POU6F2: variants seen among roughly 807,000 people sequenced by gnomAD.
The protein encoded by POU6F2 is POU domain, class 6, transcription factor 2.
POU6F2 carries 31 observed loss-of-function variants against 71.3 expected under a neutral mutation model. The observed-to-expected ratio is 0.43, with a 90% CI of 0.33 to 0.59. The LOEUF is 0.59. Ranked by LOEUF, POU6F2 falls within the 20% of genes least tolerant of loss-of-function variation. The pLI, the probability that POU6F2 is intolerant of heterozygous loss-of-function variation, is 0.04. For missense variants in POU6F2, 783 were observed against 856.8 expected (o/e 0.91, Z 1.07); for synonymous variants, 347 against 355.7 (o/e 0.98, Z 0.27).
intron 7 of POU6F2, among the ~76,000 whole-genome samples, chr7:39,440,723 T>C (rs1788381523): frequency 6.6e-6 from 1 of 152,198 alleles, no homozygotes; most frequent in African/African-American, 2.4e-5. Flanking sequence ...TGTGCCCTTG[T>C]TGGAGAGATG....
At chr7:39,087,506 A>G (rs1027943726) in intron 2 of POU6F2, among the ~76,000 whole-genome samples, 2 of 152,160 alleles carry the variant, frequency 1.3e-5, no homozygotes, top group African/African-American at 4.8e-5. Context: ...AATATTTTTT[A>G]TAGTGTAAGT....
chr7:39,373,804 A>G, intron 5 of POU6F2: 1 of 244,848 alleles, frequency 4.1e-6, no homozygotes, highest in Non-Finnish European at 8.3e-6. Flanking sequence ...TGTGTCCTCT[A>G]TAATGCCCAT....
intron 5 of POU6F2, among the ~76,000 whole-genome samples, chr7:39,370,865 AC>A (rs1353058647): frequency 6.6e-6 from 1 of 152,174 alleles, no homozygotes; most frequent in Non-Finnish European, 1.5e-5. Context: ...TGTAGGCTCA[AC>A]CTGCAGATTT....
intron 4 of POU6F2, among the ~76,000 whole-genome samples, chr7:39,214,912 C>T (rs1423331210): frequency 6.6e-6 from 1 of 152,096 alleles, no homozygotes; most frequent in African/African-American, 2.4e-5. Context: ...TGAGCGTGGC[C>T]ATCATAGAGC....
chr7:39,186,241 G>T (rs547120899), intron 2 of POU6F2, among the ~76,000 whole-genome samples: 8 of 152,266 alleles, frequency 5.3e-5, no homozygotes, highest in African/African-American at 1.9e-4. Flanking sequence ...TCTTAGAACT[G>T]GGAATCCCCA....
chr7:39,263,570 A>G (rs1784181368), intron 4 of POU6F2, among the ~76,000 whole-genome samples: 1 of 152,214 alleles, frequency 6.6e-6, no homozygotes, highest in African/African-American at 2.4e-5. Context: ...AAATAGAAAA[A>G]GTCAAAAGAG....
At chr7:39,413,862 T>A (rs1384200025) in intron 6 of POU6F2, among the ~76,000 whole-genome samples, 1 of 152,234 alleles carries the variant, frequency 6.6e-6, no homozygotes, top group Admixed American at 6.5e-5. Context: ...TTGAGAGCTT[T>A]AGTTCCTCAT....
At chr7:39,319,342 G>A (rs1458217714) in intron 4 of POU6F2, among the ~76,000 whole-genome samples, 2 of 152,232 alleles carry the variant, frequency 1.3e-5, no homozygotes, top group Middle Eastern at 3.4e-3. Context: ...CCTACTGATG[G>A]GCACTAACTA....
intron 1 of POU6F2, among the ~76,000 whole-genome samples, chr7:39,056,391 T>TC (rs1225125724): frequency 6.6e-6 from 1 of 152,186 alleles, no homozygotes; most frequent in Non-Finnish European, 1.5e-5. Flanking sequence ...ATTCTTTCTT[T>TC]CATTAAGTTT....
At chr7:39,041,983 T>C (rs910725414) in intron 1 of POU6F2, among the ~76,000 whole-genome samples, 5 of 151,980 alleles carry the variant, frequency 3.3e-5, no homozygotes, top group Admixed American at 1.3e-4. Context: ...ACAAACGTTA[T>C]GGTCAGAGTG....
chr7:39,381,291 G>A (rs542077314), intron 5 of POU6F2, among the ~76,000 whole-genome samples: 86 of 152,228 alleles, frequency 5.6e-4, no homozygotes, highest in African/African-American at 1.9e-3. Flanking sequence ...CAGCTGGAGC[G>A]CAGTAGCACG....
intron 1 of POU6F2, among the ~76,000 whole-genome samples, chr7:39,055,274 T>C (rs1319145726): frequency 6.6e-6 from 1 of 152,196 alleles, no homozygotes; most frequent in African/African-American, 2.4e-5. Flanking sequence ...GATTTGTATG[T>C]CATCTTTTAC....
chr7:39,292,337 A>ACGGGCTC (rs1784775151), intron 4 of POU6F2, among the ~76,000 whole-genome samples: 1 of 152,102 alleles, frequency 6.6e-6, no homozygotes, highest in Non-Finnish European at 1.5e-5. Flanking sequence ...TCTGATTACC[A>ACGGGCTC]TGTTCATTGT....
intron 5 of POU6F2, among the ~76,000 whole-genome samples, chr7:39,374,948 T>C (rs1365440542): frequency 2.6e-5 from 4 of 152,182 alleles, no homozygotes; most frequent in African/African-American, 7.2e-5. Context: ...TCAGCCTCTT[T>C]TCCCTTTGAA....
At chr7:39,413,102 C>A (rs369476238) in intron 6 of POU6F2, among the ~76,000 whole-genome samples, 28 of 151,802 alleles carry the variant, frequency 1.8e-4, no homozygotes, top group East Asian at 1.5e-3. Context: ...CCGCGCCCGG[C>A]CTTCTTGCTT....
At chr7:39,274,159 TA>T (rs1283757094) in intron 4 of POU6F2, among the ~76,000 whole-genome samples, 2 of 151,686 alleles carry the variant, frequency 1.3e-5, no homozygotes, top group Non-Finnish European at 2.9e-5. Context: ...CTAGCAAGAC[TA>T]ATAAAGAAAA....
rs73369744 is a variant in POU6F2, at chr7:38,991,174, T to C, written c.105+13116T>C. Among the ~76,000 whole-genome samples the C allele has an allele frequency of 6.1e-3, 935 of 152,100 alleles. 9 individuals are homozygous for C. Among genetic ancestry groups the C allele is most frequent in the African/African-American group, 0.022 (897 of 41,514 alleles). On this transcript the variant is annotated intron_variant, in intron 1 of 9. Transcript: ENST00000518318. ...GTTTATGAACAAATGAGCAGAAGAGTATGTCCCTAACTTAACCAATTATTA... is the reference window on the plus strand; with the variant it reads ...GTTTATGAACAAATGAGCAGAAGAGCATGTCCCTAACTTAACCAATTATTA...
intron 6 of POU6F2, among the ~76,000 whole-genome samples, chr7:39,429,661 C>T (rs1583596234): frequency 1.3e-5 from 2 of 152,306 alleles, no homozygotes; most frequent in African/African-American, 2.4e-5. Flanking sequence ...GTGGCTTGAA[C>T]AGGAGTCACA....
At chr7:39,150,297 CT>C (rs1213598796) in intron 2 of POU6F2, among the ~76,000 whole-genome samples, 3 of 148,540 alleles carry the variant, frequency 2.0e-5, no homozygotes, top group Non-Finnish European at 4.4e-5. Context: ...GCTATTGTGA[CT>C]AATGCTGCAA....
Sources: gnomAD v4.1 joint callset for allele counts (sites outside exome capture counted in the v4.1 genomes callset) on GRCh38, gnomAD v4.1.1 for gene constraint, MANE v1.5 for transcripts, NCBI Gene and HGNC (gene_info 2026-07-23, HGNC 2026-07-21) for gene names.